Variants in DSCAML1 observed in about 807,000 individuals in gnomAD.
DSCAML1 encodes cell adhesion molecule DSCAML1.
A neutral mutation model predicts 200.5 loss-of-function variants in DSCAML1; 38 were observed. The observed-to-expected ratio is 0.19, with a 90% CI of 0.15 to 0.25. The LOEUF is 0.25. DSCAML1 is among the 10% of genes least tolerant of loss of function. DSCAML1 has a pLI of 1.00. For missense variants in DSCAML1, 2,223 were observed against 2,858.8 expected (o/e 0.78, Z 5.07); for synonymous variants, 1,215 against 1,165.0 (o/e 1.04, Z -0.87).
chr11:117,578,544 C>T (rs1386446897), intron 3 of DSCAML1, among the ~76,000 whole-genome samples: 1 of 150,554 alleles, frequency 6.6e-6, no homozygotes, highest in East Asian at 2.0e-4. Flanking sequence ...GTGGTATGTC[C>T]CTGTAGTCCT....
chr11:117,513,216 G>A (rs2049680461), intron 8 of DSCAML1, among the ~76,000 whole-genome samples: 1 of 152,188 alleles, frequency 6.6e-6, no homozygotes, highest in Non-Finnish European at 1.5e-5. Context: ...CAGCCACCAA[G>A]CTGATTTGTC....
intron 3 of DSCAML1, among the ~76,000 whole-genome samples, chr11:117,612,889 A>C (rs113830294): frequency 1.8e-3 from 279 of 152,276 alleles, no homozygotes; most frequent in African/African-American, 6.2e-3. Context: ...GGCAGAGAGC[A>C]GGCCAGGGTT....
Position 117,572,391 on chromosome 11 carries a change from G to T in DSCAML1, c.512-39869C>A, listed in dbSNP as rs528533920. Among the ~76,000 whole-genome samples, 6 of 152,338 alleles carry T rather than the reference G, an allele frequency of 3.9e-5. No individual in the cohort carries two copies. The South Asian group carries it at 1.2e-3, about 32-fold the overall frequency. The stretch of plus-strand genomic sequence containing the variant: ...CCCAGCTGGCTGGTGAGGAAGCCTG[G>T]AGGAAGTCAGGGTTCCTGATGTTCA... On this transcript the variant is annotated intron_variant, in intron 3 of 32. Transcript: ENST00000651296.
upstream of DSCAML1, chr11:117,797,296 C>A: frequency 7.6e-7 from 1 of 1,321,376 alleles, no homozygotes; most frequent in Non-Finnish European, 9.6e-7. Context: ...CTCCCCGCCC[C>A]CCCGCGGCAC....
chr11:117,672,650 C>T (rs942314715), intron 3 of DSCAML1, among the ~76,000 whole-genome samples: 13 of 152,178 alleles, frequency 8.5e-5, no homozygotes, highest in African/African-American at 2.7e-4. Context: ...ATACGTGTTC[C>T]GCTGTTTGTC....
Position 117,433,422 on chromosome 11 carries a change from G to A in DSCAML1, c.4907+19C>T, listed in dbSNP as rs1012254746. On this transcript the variant is annotated intron_variant, in intron 28 of 32. Coordinates refer to ENST00000651296, the MANE Select transcript of DSCAML1 (RefSeq NM_020693.4). ...GAGGGGAGAAGGGAGGAGAAAGGAA[G>A]CAGCTTGGTGATACCCACCTTATCA... 2.5e-6 allele frequency: 4 copies of A among 1,613,268 alleles called. No individual in the cohort carries two copies. The Middle Eastern group carries it at 5.0e-4, about 200-fold the overall frequency.
intron 3 of DSCAML1, among the ~76,000 whole-genome samples, chr11:117,733,514 G>C (rs1939983): frequency 0.81 from 122,949 of 152,164 alleles, 52,464 homozygotes; most frequent in Non-Finnish European, 0.94. Context: ...GATGAAACCT[G>C]CCTGTGGCTA....
chr11:117,430,591 C>T, intron 32 of DSCAML1, 131 bp downstream of exon 32: 1 of 1,066,146 alleles, frequency 9.4e-7, no homozygotes, highest in Non-Finnish European at 1.3e-6. Context: ...GTTGGTACCA[C>T]CCTGCACTGC....
At position 117,604,356 on chromosome 11, in the gene DSCAML1, T is replaced by G. The variant is rs546597908; in HGVS notation, c.512-71834A>C. Reference sequence around the variant, plus strand: ...GGGTGATCATGTTTTCTGAGATGATTGCCATGAATTTGACCTCTTACTGCT... The same window carrying G: ...GGGTGATCATGTTTTCTGAGATGATGGCCATGAATTTGACCTCTTACTGCT... On this transcript the variant is annotated intron_variant, in intron 3 of 32. Transcript: ENST00000651296. Among the ~76,000 whole-genome samples, 19 of 151,480 alleles carry G rather than the reference T, an allele frequency of 1.3e-4. No individual in the cohort carries two copies. In the South Asian group the frequency reaches 2.1e-3, roughly 17 times the overall value.
At chr11:117,445,332 C>CGG (rs5795083) in intron 20 of DSCAML1, among the ~76,000 whole-genome samples, 36 of 152,126 alleles carry the variant, frequency 2.4e-4, no homozygotes, top group Admixed American at 5.2e-4. Context: ...CCAGGAGGTC[C>CGG]GGGGGGGCAG....
chr11:117,492,895 T>A (rs1410978068), intron 11 of DSCAML1, among the ~76,000 whole-genome samples: 1 of 152,196 alleles, frequency 6.6e-6, no homozygotes, highest in Non-Finnish European at 1.5e-5. Context: ...TGCACCCACT[T>A]CGGCTTCTTG....
chr11:117,467,654 CTT>C (rs146052727), intron 16 of DSCAML1, among the ~76,000 whole-genome samples: 9,809 of 152,042 alleles, frequency 0.065, 408 homozygotes, highest in Non-Finnish European at 0.074. Context: ...TGACTTTACT[CTT>C]TGTTGCTGCT....
intron 3 of DSCAML1, among the ~76,000 whole-genome samples, chr11:117,689,449 A>G (rs559445591): frequency 6.6e-6 from 1 of 152,326 alleles, no homozygotes; most frequent in East Asian, 1.9e-4. Context: ...AAAGGATAGT[A>G]ATACATAGCA....
At chr11:117,544,263 A>G (rs60962014) in intron 3 of DSCAML1, among the ~76,000 whole-genome samples, 2,634 of 152,318 alleles carry the variant, frequency 0.017, 73 homozygotes, top group African/African-American at 0.058. Flanking sequence ...AATACAGGTT[A>G]CCAGTTGCTG....
chr11:117,650,491 C>T (rs957657862), intron 3 of DSCAML1, among the ~76,000 whole-genome samples: 2 of 152,114 alleles, frequency 1.3e-5, no homozygotes. Flanking sequence ...CAGCTCTTTT[C>T]CAGGACAATT....
intron 3 of DSCAML1, among the ~76,000 whole-genome samples, chr11:117,752,353 T>G (rs973044631): frequency 1.3e-5 from 2 of 152,208 alleles, no homozygotes; most frequent in African/African-American, 2.4e-5. Flanking sequence ...GTCTCATTAA[T>G]AATCCCACCA....
intron 3 of DSCAML1, among the ~76,000 whole-genome samples, chr11:117,585,207 T>C (rs2051117845): frequency 1.3e-5 from 2 of 152,138 alleles, no homozygotes; most frequent in East Asian, 1.9e-4. Flanking sequence ...TCCCCCAAAG[T>C]GCACTTCAAA....
At chr11:117,783,107 A>G (rs2055291763) in intron 1 of DSCAML1, among the ~76,000 whole-genome samples, 1 of 152,190 alleles carries the variant, frequency 6.6e-6, no homozygotes, top group Non-Finnish European at 1.5e-5. Flanking sequence ...ACACACACAT[A>G]CATGCACATA....
chr11:117,600,209 G>T lies in DSCAML1; in HGVS notation c.512-67687C>A, dbSNP rs562671423. 1.4e-4 allele frequency among the ~76,000 whole-genome samples: 22 copies of T among 152,316 alleles called. No individual in the cohort carries two copies. In the South Asian group the frequency reaches 4.4e-3, roughly 30 times the overall value. On this transcript the variant is annotated intron_variant, in intron 3 of 32. Transcript: ENST00000651296. ...ACCACCCTCACATCTTCCGTTGCCG[G>T]CGGGAGTTCCTGGGGACGGGCTGGG...
Sources: allele counts gnomAD v4.1 joint callset (sites outside exome capture counted in the v4.1 genomes callset), GRCh38; gene constraint gnomAD v4.1.1; transcripts MANE v1.5; gene names NCBI Gene and HGNC (gene_info 2026-07-23, HGNC 2026-07-21).